Variants in IFT74 observed in about 807,000 individuals in gnomAD.
IFT74 encodes intraflagellar transport protein 74 homolog.
In IFT74, 92 loss-of-function variants were observed where a neutral mutation model predicts 96.7. The observed-to-expected ratio is 0.95, with a 90% CI of 0.80 to 1.13. The LOEUF (loss-of-function observed/expected upper bound fraction) is 1.13, where lower values mean the gene tolerates loss of function less well. IFT74 is among the 50% of genes most tolerant of loss of function. The pLI is 0.00. For missense variants in IFT74, 811 were observed against 698.2 expected (o/e 1.16, Z -1.82); for synonymous variants, 223 against 213.2 (o/e 1.05, Z -0.40).
chr9:26,991,771 A>G (rs1399808687), intron 8 of IFT74, among the ~76,000 whole-genome samples: 5 of 152,068 alleles, frequency 3.3e-5, no homozygotes, highest in South Asian at 2.1e-4. Context: ...TGGTTCACAC[A>G]TGTAATCCCA....
At chr9:26,980,182 A>G (rs78946552) in intron 3 of IFT74, among the ~76,000 whole-genome samples, 10,916 of 152,192 alleles carry the variant, frequency 0.072, 565 homozygotes, top group African/African-American at 0.14. Flanking sequence ...GCACCAGCCA[A>G]ATTTTAAGTG....
At chr9:26,981,783 T>TTTTTA (rs1827387499) in intron 4 of IFT74, among the ~76,000 whole-genome samples, 1 of 151,610 alleles carries the variant, frequency 6.6e-6, no homozygotes, top group African/African-American at 2.4e-5. Context: ...TTTTTTTTTT[T>TTTTTA]TTGAGATAGA....
chr9:27,040,544 CAAAAAA>C (rs751893169), intron 13 of IFT74, among the ~76,000 whole-genome samples: 100 of 62,094 alleles, frequency 1.6e-3, no homozygotes, highest in African/African-American at 4.4e-3. Context: ...GACACTGTCT[CAAAAAA>C]AAAAAAAAAA....
At chr9:26,952,213 G>A (rs2131455522), upstream of IFT74, among the ~76,000 whole-genome samples, 1 of 151,614 alleles carries the variant, frequency 6.6e-6, no homozygotes, top group East Asian at 1.9e-4. Context: ...TTAAAAGCTG[G>A]CTAATGTGAA....
intron 3 of IFT74, among the ~76,000 whole-genome samples, chr9:26,979,606 A>G (rs1490247566): frequency 3.3e-5 from 5 of 151,654 alleles, no homozygotes; most frequent in African/African-American, 1.2e-4. Context: ...ACTTCTCAGC[A>G]TAGACCTTAT....
intron 1 of IFT74, among the ~76,000 whole-genome samples, chr9:26,959,680 GAGA>G (rs1230621408): frequency 6.6e-5 from 10 of 152,174 alleles, no homozygotes; most frequent in African/African-American, 9.7e-5. Flanking sequence ...GATGGATGTA[GAGA>G]AGTTTATGTG....
intron 10 of IFT74, among the ~76,000 whole-genome samples, chr9:27,013,365 G>A (rs1043656897): frequency 1.3e-5 from 2 of 152,044 alleles, no homozygotes; most frequent in Non-Finnish European, 1.5e-5. Context: ...ATAGTTTTCC[G>A]GGATTATAAA....
At chr9:27,058,868 A>G (rs1820291335) in intron 18 of IFT74, among the ~76,000 whole-genome samples, 1 of 152,220 alleles carries the variant, frequency 6.6e-6, no homozygotes, top group African/African-American at 2.4e-5. Flanking sequence ...GTTCTACTTC[A>G]TATGGAAACC....
chr9:27,006,876 A>C (rs929055998), intron 8 of IFT74, among the ~76,000 whole-genome samples: 3 of 117,498 alleles, frequency 2.6e-5, no homozygotes, highest in East Asian at 4.7e-4. Context: ...TCGCTCTGTC[A>C]CCCAGGCTGG....
At chr9:26,995,646 T>C (rs1397306813) in intron 8 of IFT74, 12 of 1,613,876 alleles carry the variant, frequency 7.4e-6, no homozygotes, top group Non-Finnish European at 9.3e-6. Context: ...GTTTCTGGTA[T>C]CTGTGAAAGA....
rs755114604 is a variant in IFT74 at position 27,062,629 on chromosome 9, A to G, written c.1696A>G (p.Lys566Glu). 1 of 1,592,578 alleles carries G rather than the reference A, an allele frequency of 6.3e-7. No homozygotes were observed. The highest frequency in any genetic ancestry group is 8.6e-7 in the Non-Finnish European group (1 of 1,164,060). The part of the protein sequence containing the change: ...NFAMKEFIAT[K>E]SQESDYQPIK... ...ACTCATGTAATTAGTCATAGCAACC[A>G]AGAGTCAAGAGAGTGATTACCAGCC... Residue 566 changes from lysine to glutamate, a missense_variant, in exon 20 of 20, where the codon AAG (lysine) becomes GAG (glutamate). By Grantham distance (56) the Lys-to-Glu change is moderately conservative. Coordinates refer to ENST00000380062, the MANE Select transcript of IFT74 (RefSeq NM_025103.4).
intron 1 of IFT74, among the ~76,000 whole-genome samples, chr9:26,949,572 T>A (rs143195415): frequency 9.9e-5 from 15 of 152,280 alleles, no homozygotes; most frequent in Admixed American, 7.2e-4. Context: ...CACATTTCCC[T>A]GTGTAATTGC....
chr9:27,032,143 G>C (rs1830153793), intron 13 of IFT74, among the ~76,000 whole-genome samples: 1 of 152,142 alleles, frequency 6.6e-6, no homozygotes, highest in Non-Finnish European at 1.5e-5. Flanking sequence ...AAAATACTGA[G>C]CCTTTTGAAA....
intron 2 of IFT74, among the ~76,000 whole-genome samples, chr9:26,966,067 C>T (rs74705139): frequency 0.086 from 13,074 of 151,656 alleles, 905 homozygotes; most frequent in African/African-American, 0.19. Flanking sequence ...ATTTTCTTTA[C>T]GTAGCCCTCC....
chr9:26,999,510 A>C, intron 8 of IFT74: 1 of 773,436 alleles, frequency 1.3e-6, no homozygotes, highest in Non-Finnish European at 2.0e-6. Context: ...TAATTTTAGT[A>C]GGTCAGATTT....
At chr9:27,061,677 G>GTATATATATATATATATATATA (rs10668267) in intron 19 of IFT74, among the ~76,000 whole-genome samples, 9 of 143,100 alleles carry the variant, frequency 6.3e-5, no homozygotes, top group East Asian at 4.3e-4. Flanking sequence ...ATATCCACAA[G>GTATATATATATATATATATATA]TATATATATA....
intron 3 of IFT74, among the ~76,000 whole-genome samples, chr9:26,980,264 C>T (rs1827310977): frequency 6.6e-6 from 1 of 152,194 alleles, no homozygotes; most frequent in Non-Finnish European, 1.5e-5. Flanking sequence ...CAGAAAGTTA[C>T]TCTGGACAGC....
upstream of IFT74, among the ~76,000 whole-genome samples, chr9:26,951,966 G>A (rs544046041): frequency 6.6e-6 from 1 of 152,242 alleles, no homozygotes; most frequent in East Asian, 1.9e-4. Context: ...CATTCGTCTT[G>A]CCAGTACTGT....
rs753343428 is a variant in IFT74, at chr9:26,962,097, A to C, written c.120+10A>C. 12 of 1,613,852 alleles carry C rather than the reference A, an allele frequency of 7.4e-6. No individual in the cohort carries two copies. The highest frequency in any genetic ancestry group is 1.0e-5 in the Non-Finnish European group (12 of 1,179,928). ...TCGAGTGGCAACTGCAGTAAGTTTG[A>C]AACAAATCTATTTACTTTGGGAGGC... On this transcript the variant is annotated intron_variant, in intron 2 of 19. Coordinates refer to ENST00000380062, the MANE Select transcript of IFT74 (RefSeq NM_025103.4).
Sources: allele counts gnomAD v4.1 joint callset (sites outside exome capture counted in the v4.1 genomes callset), GRCh38; gene constraint gnomAD v4.1.1; transcripts MANE v1.5; gene names NCBI Gene and HGNC (gene_info 2026-07-23, HGNC 2026-07-21).